Variants in SYN1 observed in about 807,000 individuals in gnomAD.
SYN1 encodes synapsin-1.
SYN1 carries 8 observed loss-of-function variants against 44.6 expected under a neutral mutation model. The ratio of observed to expected loss-of-function variants is 0.18; its 90% CI spans 0.11 to 0.32. The LOEUF (loss-of-function observed/expected upper bound fraction) is 0.32. Among genes scored for constraint, SYN1 ranks in the 10% least tolerant of loss-of-function variants. The pLI is 1.00. For synonymous variants in SYN1, 275 were observed against 280.1 expected (o/e 0.98, Z 0.18); for missense variants, 451 against 639.4 (o/e 0.71, Z 3.18).
chrX:47,619,815 G>A lies in SYN1; in HGVS notation c.-87C>T. On this transcript the variant is annotated 5_prime_UTR_variant, in exon 1 of 13. Coordinates refer to ENST00000295987, the MANE Select transcript of SYN1 (RefSeq NM_006950.3). Reference sequence around the variant, plus strand: ...GCGCGGTGCCCAGGAGCACAGCTGCGCTCTCAGGCACGACACGACTCCTCC... The same window carrying A: ...GCGCGGTGCCCAGGAGCACAGCTGCACTCTCAGGCACGACACGACTCCTCC... The A allele has an allele frequency of 4.0e-6, 4 of 993,475 alleles. No homozygotes were observed. The highest frequency in any genetic ancestry group is 2.7e-6 in the Non-Finnish European group (2 of 737,560). 81.9% of individuals were successfully genotyped at this position (993,475 alleles called of 1,213,427 possible).
intron 5 of SYN1, among the ~76,000 whole-genome samples, chrX:47,599,268 T>C (rs1406374410): frequency 8.9e-6 from 1 of 112,160 alleles, no homozygotes; most frequent in Admixed American, 9.4e-5. Context: ...TTTTCCTGTT[T>C]AGGAAAAAAA....
Position 47,580,488 on chromosome X carries a change from A to G in SYN1, c.775-2987T>C, listed in dbSNP as rs182778942. Among the ~76,000 whole-genome samples, 692 of 109,468 alleles carry G rather than the reference A, an allele frequency of 6.3e-3. 10 individuals are homozygous for G. Among genetic ancestry groups the G allele is most frequent in the African/African-American group, 0.022 (653 of 30,098 alleles). On this transcript the variant is annotated intron_variant, in intron 5 of 12. Transcript: ENST00000295987. ...TCTACTAAAAATACAAAAATTAGCC[A>G]GGCGTGGTGGCGTGTGCCTGTAACC...
At chrX:47,602,713 A>G (rs1468311088) in intron 5 of SYN1, among the ~76,000 whole-genome samples, 1 of 112,051 alleles carries the variant, frequency 8.9e-6, no homozygotes, top group Non-Finnish European at 1.9e-5. Flanking sequence ...CTGTTGACGT[A>G]TATCAGTGAT....
chrX:47,603,911 T>G (rs2313094), intron 5 of SYN1, among the ~76,000 whole-genome samples: 1 of 98,965 alleles, frequency 1.0e-5, no homozygotes, highest in African/African-American at 3.7e-5. Flanking sequence ...TATATATTTT[T>G]TTTTTTTTTT....
At chrX:47,585,173 T>C (rs1421726259) in intron 5 of SYN1, 2 of 1,167,875 alleles carry the variant, frequency 1.7e-6, no homozygotes, top group African/African-American at 3.6e-5. Context: ...ATTATGTCAG[T>C]AAAAGAGACA....
intron 12 of SYN1, among the ~76,000 whole-genome samples, chrX:47,573,303 G>C (rs952642934): frequency 1.4e-4 from 16 of 111,633 alleles, no homozygotes; most frequent in African/African-American, 5.2e-4. Context: ...AACCTTCTCT[G>C]TGAATTCTTG....
At chrX:47,574,827 G>C in intron 10 of SYN1, 52 bp from the exon 11 acceptor site, 5 of 1,071,399 alleles carry the variant, frequency 4.7e-6, no homozygotes, top group Non-Finnish European at 6.4e-6. Flanking sequence ...CCAGCCAGTG[G>C]AGCATCAGCC....
chrX:47,589,162 G>A (rs1309184693), intron 5 of SYN1, among the ~76,000 whole-genome samples: 2 of 108,139 alleles, frequency 1.8e-5, no homozygotes, highest in African/African-American at 6.8e-5. Context: ...CAGCTGTGGT[G>A]GCGCATGCCC....
intron 1 of SYN1, among the ~76,000 whole-genome samples, chrX:47,610,008 G>A (rs1375206032): frequency 9.0e-6 from 1 of 111,435 alleles, no homozygotes; most frequent in East Asian, 2.8e-4. Context: ...ACCAGACTTG[G>A]GTGACTATTC....
chrX:47,573,150 C>A, intron 12 of SYN1, 151 bp from the exon 13 acceptor site: 1 of 746,816 alleles, frequency 1.3e-6, no homozygotes, highest in Non-Finnish European at 2.0e-6. Context: ...CCACCATGGG[C>A]CTGGACCCTA....
At chrX:47,609,706 C>T (rs1366142960) in intron 1 of SYN1, among the ~76,000 whole-genome samples, 1 of 111,893 alleles carries the variant, frequency 8.9e-6, no homozygotes, top group East Asian at 2.8e-4. Flanking sequence ...AGATAGCCTC[C>T]GATATGCTGT....
intron 5 of SYN1, among the ~76,000 whole-genome samples, chrX:47,588,189 C>T (rs766452765): frequency 1.8e-5 from 2 of 113,073 alleles, no homozygotes; most frequent in East Asian, 2.8e-4. Flanking sequence ...ACCTTGGTTA[C>T]GCCCTCGGAG....
rs2057773405 is a variant in SYN1 at position 47,575,117 on chromosome X, A to AG, written c.1305+10dup. On this transcript the variant is annotated intron_variant, in intron 10 of 12. Coordinates refer to ENST00000295987, the MANE Select transcript of SYN1 (RefSeq NM_006950.3). ...TAGCTCAAGCCACTAGCTCAGCGCC[A>AG]GGGGCCTGACCTGGCCATGGGAGCC... 8.4e-7 allele frequency: 1 copy of AG among 1,186,263 alleles called. No homozygotes were observed. Among genetic ancestry groups the AG allele is most frequent in the East Asian group, 3.1e-5 (1 of 32,144 alleles).
intron 5 of SYN1, among the ~76,000 whole-genome samples, chrX:47,580,038 G>A (rs1043804198): frequency 7.3e-5 from 8 of 109,719 alleles, no homozygotes; most frequent in Non-Finnish European, 1.1e-4. Flanking sequence ...ACATGGTATC[G>A]GGCATACAGT....
intron 5 of SYN1, chrX:47,585,396 C>T (rs760887807): frequency 8.3e-7 from 1 of 1,201,040 alleles, no homozygotes. Context: ...CTAGCAACCA[C>T]GAGGGGGCGA....
At chrX:47,614,433 A>G (rs1451137225) in intron 1 of SYN1, among the ~76,000 whole-genome samples, 1 of 111,428 alleles carries the variant, frequency 9.0e-6, no homozygotes, top group African/African-American at 3.3e-5. Flanking sequence ...TAGAATGGGT[A>G]ACAAAAGAAG....
At chrX:47,589,833 C>T (rs1215252144) in intron 5 of SYN1, 6 of 106,637 alleles carry the variant, frequency 5.6e-5, no homozygotes, top group South Asian at 4.1e-4. Context: ...ATAGCACTTA[C>T]AAGCATTAGT....
At position 47,619,393 on chromosome X, in the gene SYN1, G is replaced by A; in HGVS notation, c.336C>T (p.Ala112=). The A allele has an allele frequency of 8.4e-7, 1 of 1,193,966 alleles. No homozygotes were observed. Among genetic ancestry groups the A allele is most frequent in the Non-Finnish European group, 1.1e-6 (1 of 891,621 alleles). The change falls in exon 1 of 13, where the codon GCC becomes GCT. Residue 112 remains alanine, a synonymous_variant. Coordinates refer to ENST00000295987, the MANE Select transcript of SYN1 (RefSeq NM_006950.3). The part of the protein sequence containing the change: ...GSGGAGRGGA[A]SRVLLVIDEP... ...CGTCGATGACCAGCAGCACCCTGGAGGCGGCTCCCCCGCGGCCTGCGCCCC... is the reference window on the plus strand; with the variant it reads ...CGTCGATGACCAGCAGCACCCTGGAAGCGGCTCCCCCGCGGCCTGCGCCCC...
intron 1 of SYN1, among the ~76,000 whole-genome samples, chrX:47,607,402 A>T (rs983725245): frequency 8.9e-6 from 1 of 112,306 alleles, no homozygotes; most frequent in Non-Finnish European, 1.9e-5. Context: ...ATATTAAAGG[A>T]CATTGCAAAC....
Sources: allele counts gnomAD v4.1 joint callset (sites outside exome capture counted in the v4.1 genomes callset), GRCh38; gene constraint gnomAD v4.1.1; transcripts MANE v1.5; gene names NCBI Gene and HGNC (gene_info 2026-07-23, HGNC 2026-07-21).